The following SLC22A23 variants were observed in gnomAD, a reference collection of about 807,000 sequenced individuals.
The protein encoded by SLC22A23 is solute carrier family 22 member 23, also known as ion transporter protein.
In SLC22A23, 26 loss-of-function variants were observed where a neutral mutation model predicts 61.0. The ratio of observed to expected loss-of-function variants is 0.43; its 90% CI spans 0.31 to 0.59. The LOEUF is 0.59. SLC22A23 is among the 20% of genes least tolerant of loss of function. SLC22A23 has a pLI of 0.11. For synonymous variants in SLC22A23, 430 were observed against 413.9 expected (o/e 1.04, Z -0.47); for missense variants, 796 against 934.7 (o/e 0.85, Z 1.94).
chr6:3,388,115 G>A (rs1368230994), intron 3 of SLC22A23, among the ~76,000 whole-genome samples: 3 of 152,208 alleles, frequency 2.0e-5, no homozygotes, highest in Non-Finnish European at 2.9e-5. Flanking sequence ...CTAGATGTAG[G>A]GAGAGGGCAA....
chr6:3,401,320 A>G (rs957919901), intron 3 of SLC22A23, among the ~76,000 whole-genome samples: 4 of 152,248 alleles, frequency 2.6e-5, no homozygotes, highest in African/African-American at 9.6e-5. Context: ...CCTGGGCAAC[A>G]GAGTGAGATT....
chr6:3,305,331 C>T (rs1761899467), intron 4 of SLC22A23, among the ~76,000 whole-genome samples: 1 of 152,164 alleles, frequency 6.6e-6, no homozygotes, highest in Admixed American at 6.5e-5. Flanking sequence ...AGCAGCAAAC[C>T]CATATTGCCT....
rs1251488520 is a variant in SLC22A23 at position 3,387,397 on chromosome 6, C to T, written c.913+22791G>A. 6.6e-6 allele frequency among the ~76,000 whole-genome samples: 1 copy of T among 152,226 alleles called. No individual in the cohort carries two copies. Among genetic ancestry groups the T allele is most frequent in the Non-Finnish European group, 1.5e-5 (1 of 68,040 alleles). On this transcript the variant is annotated intron_variant, in intron 3 of 9. Transcript: ENST00000406686. The surrounding 1 kb of genome is among the most constrained non-coding windows in gnomAD (Gnocchi z 5.0). ...TTCTGCAAAATACCAACCCGTTACA[C>T]CACTGTCCTCATCACAGTGTTAAGG...
chr6:3,341,121 C>G (rs1308352776), intron 3 of SLC22A23, among the ~76,000 whole-genome samples: 1 of 152,170 alleles, frequency 6.6e-6, no homozygotes, highest in South Asian at 2.1e-4. Flanking sequence ...TATAGAGAAA[C>G]AATCCTCACA....
intron 5 of SLC22A23, chr6:3,291,631 G>T (rs964049777): frequency 2.6e-5 from 4 of 152,326 alleles, no homozygotes; most frequent in Middle Eastern, 3.4e-3. Flanking sequence ...GCAAAAATGG[G>T]CTACTTTGAC....
intron 9 of SLC22A23, among the ~76,000 whole-genome samples, chr6:3,280,829 A>G (rs923495066): frequency 1.3e-5 from 2 of 151,838 alleles, no homozygotes; most frequent in Non-Finnish European, 2.9e-5. Context: ...AGTTGAACAG[A>G]CTCTGATACT....
intron 1 of SLC22A23, among the ~76,000 whole-genome samples, chr6:3,453,723 A>G (rs9378799): frequency 0.81 from 123,388 of 152,198 alleles, 50,746 homozygotes; most frequent in African/African-American, 0.94. Context: ...TATTTGCAAG[A>G]GAAAGATCAT....
rs1762151665 is a variant in SLC22A23 at position 3,308,647 on chromosome 6, A to G, written c.1083-10429T>C. 6.6e-6 allele frequency among the ~76,000 whole-genome samples: 1 copy of G among 152,184 alleles called. No homozygotes were observed. The highest frequency in any genetic ancestry group is 1.5e-5 in the Non-Finnish European group (1 of 68,036). ...ATGTACTTGGGACATAAAACCTAAC[A>G]TAAAACCACAGCATGGGCCGGGTGT... is the stretch of plus-strand genomic sequence containing the variant. On this transcript the variant is annotated intron_variant, in intron 4 of 9. Coordinates refer to ENST00000406686, the MANE Select transcript of SLC22A23 (RefSeq NM_015482.2). The surrounding 1 kb of genome is among the most constrained non-coding windows in gnomAD (Gnocchi z 5.1).
intron 1 of SLC22A23, among the ~76,000 whole-genome samples, chr6:3,418,399 T>C (rs1005229963): frequency 6.6e-6 from 1 of 152,138 alleles, no homozygotes; most frequent in African/African-American, 2.4e-5. Flanking sequence ...CTGGAGGAAA[T>C]TGCCAATACT....
intron 3 of SLC22A23, among the ~76,000 whole-genome samples, chr6:3,352,426 T>G (rs561297509): frequency 6.6e-6 from 1 of 151,822 alleles, no homozygotes; most frequent in East Asian, 1.9e-4. Context: ...CCGGCATGCA[T>G]GCACAGACAC....
chr6:3,371,047 T>G (rs1028935239), intron 3 of SLC22A23, among the ~76,000 whole-genome samples: 5 of 152,230 alleles, frequency 3.3e-5, no homozygotes, highest in Non-Finnish European at 7.3e-5. Context: ...GTTATTTTGA[T>G]GTTTATCTGG....
rs748414034 is a variant in SLC22A23 at position 3,329,809 on chromosome 6, G to A, written c.914-5807C>T. 2.6e-5 allele frequency among the ~76,000 whole-genome samples: 4 copies of A among 152,142 alleles called. No individual in the cohort carries two copies. The highest frequency in any genetic ancestry group is 5.9e-5 in the Non-Finnish European group (4 of 68,020). On this transcript the variant is annotated intron_variant, in intron 3 of 9. Coordinates refer to ENST00000406686, the MANE Select transcript of SLC22A23 (RefSeq NM_015482.2). The surrounding 1 kb of genome is among the most constrained non-coding windows in gnomAD (Gnocchi z 4.8). ...TGAGGCCACCCTGCTAAGCTGCCCCGGGCACTCTGCAGGCCCAAGGCCACT... is the reference window on the plus strand; with the variant it reads ...TGAGGCCACCCTGCTAAGCTGCCCCAGGCACTCTGCAGGCCCAAGGCCACT...
intron 3 of SLC22A23, among the ~76,000 whole-genome samples, chr6:3,364,070 C>CT (rs1362957330): frequency 6.6e-6 from 1 of 152,250 alleles, no homozygotes; most frequent in Non-Finnish European, 1.5e-5. Flanking sequence ...CCCAATAGAG[C>CT]TTTTGCCTTC....
rs979764988 is a variant in SLC22A23, at chr6:3,410,921, C to T, written c.759-579G>A. Among the ~76,000 whole-genome samples the T allele has an allele frequency of 7.9e-5, 12 of 152,156 alleles. No homozygotes were observed. Among genetic ancestry groups the T allele is most frequent in the Non-Finnish European group, 1.0e-4 (7 of 68,036 alleles). ...GGGATCACACACTAAGGTAAGACAGCGTGAACTTTAAATGCCCAGTGACCT... is the reference window on the plus strand; with the variant it reads ...GGGATCACACACTAAGGTAAGACAGTGTGAACTTTAAATGCCCAGTGACCT... On this transcript the variant is annotated intron_variant, in intron 2 of 9. Coordinates refer to ENST00000406686, the MANE Select transcript of SLC22A23 (RefSeq NM_015482.2). The surrounding 1 kb of genome is among the most constrained non-coding windows in gnomAD (Gnocchi z 5.0).
At chr6:3,369,617 G>A (rs1436882107) in intron 3 of SLC22A23, among the ~76,000 whole-genome samples, 1 of 151,776 alleles carries the variant, frequency 6.6e-6, no homozygotes, top group Non-Finnish European at 1.5e-5. Context: ...CTTCAATCTG[G>A]GAGGTGGAGG....
intron 9 of SLC22A23, among the ~76,000 whole-genome samples, chr6:3,279,912 C>T (rs537876640): frequency 6.6e-6 from 1 of 152,270 alleles, no homozygotes; most frequent in East Asian, 1.9e-4. Flanking sequence ...TGCAGGCCGA[C>T]TTCTTACTAG....
At chr6:3,402,287 G>A (rs1214169582) in intron 3 of SLC22A23, among the ~76,000 whole-genome samples, 1 of 152,148 alleles carries the variant, frequency 6.6e-6, no homozygotes, top group Non-Finnish European at 1.5e-5. Flanking sequence ...TCCAAAACAT[G>A]CATCTAAGGC....
chr6:3,359,111 C>T (rs1298936717), intron 3 of SLC22A23, among the ~76,000 whole-genome samples: 4 of 152,086 alleles, frequency 2.6e-5, no homozygotes, highest in African/African-American at 7.2e-5. Context: ...AATACAGAGA[C>T]GTCCCAGAAC....
intron 1 of SLC22A23, among the ~76,000 whole-genome samples, chr6:3,444,564 G>C (rs1771783227): frequency 6.6e-6 from 1 of 152,192 alleles, no homozygotes; most frequent in Admixed American, 6.5e-5. Context: ...CATAAACTCA[G>C]ATTTCTGGCC....
Sources: gnomAD v4.1 joint callset for allele counts (sites outside exome capture counted in the v4.1 genomes callset) on GRCh38, gnomAD v4.1.1 for gene constraint, Gnocchi (gnomAD v3.1) non-coding constraint, MANE v1.5 for transcripts, NCBI Gene and HGNC (gene_info 2026-07-23, HGNC 2026-07-21) for gene names.